Variants in COL4A3 observed in about 807,000 individuals in gnomAD.
The protein encoded by COL4A3 is collagen type IV alpha 3 chain.
Under a neutral mutation model 217.4 loss-of-function variants are expected in COL4A3, and 135 were observed. The ratio of observed to expected loss-of-function variants is 0.62; its 90% CI spans 0.54 to 0.72. The LOEUF (loss-of-function observed/expected upper bound fraction) is 0.72. Among genes scored for constraint, COL4A3 ranks in the 30% least tolerant of loss-of-function variants. The probability of loss-of-function intolerance (pLI) is 0.00; values close to 1 mark genes in which losing one functional copy is unlikely to be tolerated. For synonymous variants in COL4A3, 690 were observed against 736.3 expected, an observed-to-expected ratio of 0.94 and a Z score of 1.02; for missense variants, 1,868 against 2,119.9, an observed-to-expected ratio of 0.88 and a Z score of 2.33.
At chr2:227,182,862 C>T (rs12471080) in intron 1 of COL4A3, among the ~76,000 whole-genome samples, 25,889 of 152,104 alleles carry the variant, frequency 0.17, 2,380 homozygotes, top group Admixed American at 0.25. Context: ...TTACACAAAT[C>T]AACATTTGCA....
chr2:227,171,663 C>A (rs6735991), intron 1 of COL4A3, among the ~76,000 whole-genome samples: 7,532 of 152,166 alleles, frequency 0.049, 233 homozygotes, highest in Admixed American at 0.087. Context: ...CCAAATTGTT[C>A]CTGGTGGTGA....
At chr2:227,200,316 C>T (rs2066636548) in intron 1 of COL4A3, among the ~76,000 whole-genome samples, 1 of 152,062 alleles carries the variant, frequency 6.6e-6, no homozygotes, top group African/African-American at 2.4e-5. Flanking sequence ...AAAGTTTTTC[C>T]TGGGTGCCAG....
At chr2:227,231,057 T>C (rs1393984178) in intron 1 of COL4A3, among the ~76,000 whole-genome samples, 1 of 152,182 alleles carries the variant, frequency 6.6e-6, no homozygotes, top group African/African-American at 2.4e-5. Flanking sequence ...TTGGAGCAGT[T>C]CCACTAACGC....
At chr2:227,204,845 C>T (rs2067039312) in intron 1 of COL4A3, among the ~76,000 whole-genome samples, 1 of 152,178 alleles carries the variant, frequency 6.6e-6, no homozygotes, top group Non-Finnish European at 1.5e-5. Flanking sequence ...AATATGTGTA[C>T]ACACATAATC....
intron 1 of COL4A3, among the ~76,000 whole-genome samples, chr2:227,193,409 G>A (rs1226176373): frequency 6.6e-6 from 1 of 152,156 alleles, no homozygotes; most frequent in Non-Finnish European, 1.5e-5. Context: ...TATTCATGAT[G>A]CAAAGATTAG....
intron 3 of COL4A3, among the ~76,000 whole-genome samples, chr2:227,240,698 T>C (rs1364235256): frequency 2.0e-5 from 3 of 152,202 alleles, no homozygotes; most frequent in African/African-American, 7.2e-5. Flanking sequence ...AATACAAAAC[T>C]TCCTCTCCAT....
chr2:227,269,512 A>C (rs1230113612), intron 23 of COL4A3, among the ~76,000 whole-genome samples: 2 of 152,204 alleles, frequency 1.3e-5, no homozygotes, highest in African/African-American at 2.4e-5. Flanking sequence ...AGTCCTATGC[A>C]CTTATGGATA....
At chr2:227,190,235 G>T (rs1448372741) in intron 1 of COL4A3, among the ~76,000 whole-genome samples, 1 of 152,228 alleles carries the variant, frequency 6.6e-6, no homozygotes. Flanking sequence ...TCCCTCAAGA[G>T]CTGGAGGTAA....
At chr2:227,193,747 GGGAAGGAAGGAAGGAAGGAAGGAA>G (rs1230168428) in intron 1 of COL4A3, among the ~76,000 whole-genome samples, 9,709 of 33,472 alleles carry the variant, frequency 0.29, 2,418 homozygotes, top group Non-Finnish European at 0.38. Context: ...GAGGGAGGGA[GGGAAGGAAGGAAGGAAGGAAGGAA>G]GGAAGGAAGG....
chr2:227,251,171 C>A lies in COL4A3; in HGVS notation c.578C>A (p.Pro193His). 1.9e-6 allele frequency: 3 copies of A among 1,613,932 alleles called. No homozygotes were observed. The highest frequency in any genetic ancestry group is 1.7e-6 in the Non-Finnish European group (2 of 1,179,822). Residue 193 changes from proline to histidine, a missense_variant, in exon 10 of 52, where the codon CCT (proline) becomes CAT (histidine). Physicochemically the swap from Pro to His is moderately conservative, Grantham distance 77 (BLOSUM62 -2). Transcript: ENST00000396578. Reference protein sequence around the residue: ...GLPGPPGFPGPVGPPGPPGFF... With the variant: ...GLPGPPGFPGHVGPPGPPGFF... The stretch of plus-strand genomic sequence containing the variant: ...CCAGGCCCTCCAGGTTTTCCTGGGC[C>A]TGTTGGCCCACCTGGTCCTCCGGGA...
In COL4A3 at chr2:227,273,925, T is replaced by C. The variant is rs546399997; in HGVS notation, c.1927+808T>C. Among the ~76,000 whole-genome samples the C allele has an allele frequency of 2.8e-4, 42 of 152,226 alleles. No individual in the cohort carries two copies. In the South Asian group the frequency reaches 8.3e-3, roughly 30 times the overall value. Reference sequence around the variant, plus strand: ...TAGTTTTGAGCAAATAATGCCAACATGGTCATGTTTTACTTCTAAAATCAC... The same window carrying C: ...TAGTTTTGAGCAAATAATGCCAACACGGTCATGTTTTACTTCTAAAATCAC... On this transcript the variant is annotated intron_variant, in intron 26 of 51. Coordinates refer to ENST00000396578, the MANE Select transcript of COL4A3 (RefSeq NM_000091.5).
At chr2:227,268,068 G>A (rs541070738) in intron 23 of COL4A3, among the ~76,000 whole-genome samples, 59 of 152,190 alleles carry the variant, frequency 3.9e-4, no homozygotes, top group African/African-American at 1.4e-3. Flanking sequence ...TCTCTCCCTC[G>A]CTACCACCCA....
Position 227,269,927 on chromosome 2 carries a change from G to A in COL4A3, c.1522G>A (p.Gly508Ser), listed in dbSNP as rs1466313487. The change falls in exon 24 of 52, where the codon GGC (glycine) becomes AGC (serine). Residue 508 changes from glycine (G) to serine (S), a missense_variant. Gly to Ser is a moderately conservative substitution (Grantham distance 56). Around this residue, in one of 2 missense-constraint regions of COL4A3, gnomAD observed 1,503 missense variants for 1,786.1 expected, o/e 0.84. Coordinates refer to ENST00000396578, the MANE Select transcript of COL4A3 (RefSeq NM_000091.5). The stretch of plus-strand genomic sequence containing the variant: ...ATTTGCAGGAAGACAAGGCGCAGCT[G>A]GCTTGAAAGGAAGCCCAGGGTCCCC... ...KGIPGRQGAA[G>S]LKGSPGSPGN... is the part of the protein sequence containing the mutation. The A allele has an allele frequency of 2.5e-6, 4 of 1,613,946 alleles. No individual in the cohort carries two copies. Among genetic ancestry groups the A allele is most frequent in the East Asian group, 2.2e-5 (1 of 44,870 alleles).
chr2:227,235,920 C>G (rs973626782), intron 1 of COL4A3, among the ~76,000 whole-genome samples: 9 of 151,404 alleles, frequency 5.9e-5, no homozygotes, highest in African/African-American at 2.2e-4. Context: ...ATTACAGATG[C>G]CCGCCACCAC....
chr2:227,270,797 G>C lies in COL4A3; in HGVS notation c.1603G>C (p.Gly535Arg). The part of the protein sequence containing the change: ...PGFPGAQGDP[G>R]LKGEKGETLQ... ...TTTCCCAGGTGCCCAGGGTGACCCAGGACTTAAAGGAGAAAAAGGTGAAAC... is the reference window on the plus strand; with the variant it reads ...TTTCCCAGGTGCCCAGGGTGACCCACGACTTAAAGGAGAAAAAGGTGAAAC... Residue 535 changes from glycine (G) to arginine (R), a missense_variant, in exon 25 of 52, where the codon GGA becomes CGA. Physicochemically the swap from Gly to Arg is moderately radical, Grantham distance 125. Around this residue, in one of 2 missense-constraint regions of COL4A3, gnomAD observed 1,503 missense variants for 1,786.1 expected, o/e 0.84. Coordinates refer to ENST00000396578, the MANE Select transcript of COL4A3 (RefSeq NM_000091.5). The C allele has an allele frequency of 1.2e-6, 2 of 1,614,166 alleles. No individual in the cohort carries two copies. Among genetic ancestry groups the C allele is most frequent in the Non-Finnish European group, 1.7e-6 (2 of 1,180,020 alleles).
chr2:227,277,685 G>C, intron 28 of COL4A3, 132 bp downstream of exon 28: 1 of 657,138 alleles, frequency 1.5e-6, no homozygotes, highest in Non-Finnish European at 2.7e-6. Flanking sequence ...AGTAAAATAG[G>C]AAATATCCAT....
chr2:227,192,320 T>C (rs112640095), intron 1 of COL4A3, among the ~76,000 whole-genome samples: 211 of 152,338 alleles, frequency 1.4e-3, no homozygotes, highest in African/African-American at 4.8e-3. Flanking sequence ...TTATTAAATA[T>C]TTAATTTCTT....
chr2:227,176,297 G>T (rs947961279), intron 1 of COL4A3, among the ~76,000 whole-genome samples: 2 of 152,058 alleles, frequency 1.3e-5, no homozygotes, highest in Admixed American at 1.3e-4. Context: ...TCTTCCTAGG[G>T]TATAAAAATA....
At chr2:227,303,542 G>A (rs922138234) in intron 44 of COL4A3, among the ~76,000 whole-genome samples, 5 of 152,156 alleles carry the variant, frequency 3.3e-5, no homozygotes, top group African/African-American at 9.7e-5. Context: ...GTATGTTACC[G>A]TAAATATCAA....
Sources: gnomAD v4.1 joint callset for allele counts (sites outside exome capture counted in the v4.1 genomes callset) on GRCh38, gnomAD v4.1.1 for gene constraint, gnomAD v4.1.1 regional missense constraint, MANE v1.5 for transcripts, NCBI Gene and HGNC (gene_info 2026-07-23, HGNC 2026-07-21) for gene names.